The following HERC2 variants were observed in gnomAD, a reference collection of about 807,000 sequenced individuals.
HERC2 encodes E3 ubiquitin-protein ligase HERC2.
In HERC2, 102 loss-of-function variants were observed where a neutral mutation model predicts 537.7. That is an observed-to-expected ratio of 0.19 (90% CI 0.16 to 0.22). HERC2 has a LOEUF of 0.22. HERC2 is among the 10% of genes least tolerant of loss of function. The pLI, the probability that HERC2 is intolerant of heterozygous loss-of-function variation, is 1.00. For synonymous variants in HERC2, 2,224 were observed against 2,466.2 expected, an observed-to-expected ratio of 0.90 and a Z score of 2.91; for missense variants, 4,236 against 6,198.2, an observed-to-expected ratio of 0.68 and a Z score of 10.63.
intron 70 of HERC2, among the ~76,000 whole-genome samples, chr15:28,150,998 T>C (rs28690115): frequency 0.13 from 19,866 of 152,092 alleles, 4,375 homozygotes; most frequent in African/African-American, 0.45. Flanking sequence ...AACTAAGACT[T>C]GAAGACTGAA....
In HERC2 at chr15:28,186,656, C is replaced by T. The variant is rs142140993; in HGVS notation, c.8746G>A (p.Glu2916Lys). ...GLILLGRIRA[E>K]EEDLAAVPFL... ...GGAACTGCAGCCAAATCTTCCTCTTCTGCACGGATCCGTCCCAGCAGGATG... is the reference window on the plus strand; with the variant it reads ...GGAACTGCAGCCAAATCTTCCTCTTTTGCACGGATCCGTCCCAGCAGGATG... The change falls in exon 56 of 93, where the codon GAA (glutamate) becomes AAA (lysine). Residue 2916 changes from glutamate to lysine, a missense_variant. Physicochemically the swap from Glu to Lys is moderately conservative, Grantham distance 56. This residue lies in a region of HERC2 where 606 missense variants were observed against 884.5 expected (regional missense o/e 0.69). Coordinates refer to ENST00000261609, the MANE Select transcript of HERC2 (RefSeq NM_004667.6). The T allele has an allele frequency of 5.0e-6, 8 of 1,614,066 alleles. No homozygotes were observed. The African/African-American group carries it at 1.1e-4, about 22-fold the overall frequency.
rs761693904 is a variant in HERC2, at chr15:28,191,025, T to C, written c.8589A>G (p.Leu2863=). Residue 2863 remains leucine, a synonymous_variant, in exon 55 of 93, where the codon CTA becomes CTG. Coordinates refer to ENST00000261609, the MANE Select transcript of HERC2 (RefSeq NM_004667.6). ...CAGAAGGGTTAATATTGATTGTCTT[T>C]AGTTCAATAAGGTTATTCAGGGAAT... ...GGNSLNNLIE[L]KTININPSDT... The C allele has an allele frequency of 6.2e-7, 1 of 1,612,818 alleles. No individual in the cohort carries two copies. Among genetic ancestry groups the C allele is most frequent in the Non-Finnish European group, 8.5e-7 (1 of 1,178,786 alleles).
chr15:28,149,336 C>T (rs1892137736), intron 70 of HERC2, among the ~76,000 whole-genome samples: 1 of 151,616 alleles, frequency 6.6e-6, no homozygotes, highest in Non-Finnish European at 1.5e-5. Flanking sequence ...CACCAACATA[C>T]ATTCTAGTAA....
intron 56 of HERC2, among the ~76,000 whole-genome samples, chr15:28,185,602 A>C (rs1333205464): frequency 6.6e-6 from 1 of 152,182 alleles, no homozygotes; most frequent in Non-Finnish European, 1.5e-5. Context: ...CAAGTTCTAG[A>C]TACATGCCCT....
At chr15:28,160,882 C>T (rs868641865) in intron 69 of HERC2, among the ~76,000 whole-genome samples, 11 of 152,330 alleles carry the variant, frequency 7.2e-5, no homozygotes, top group South Asian at 4.1e-4. Flanking sequence ...CACCGCCCCC[C>T]GCTCAGCATT....
intron 83 of HERC2, among the ~76,000 whole-genome samples, chr15:28,126,845 G>A (rs930539490): frequency 3.9e-5 from 6 of 152,164 alleles, no homozygotes; most frequent in Non-Finnish European, 5.9e-5. Flanking sequence ...CCACCTGTTC[G>A]CCAAAAACTT....
At chr15:28,130,705 A>G (rs750192343) in intron 81 of HERC2, 111 bp from the exon 82 acceptor site, 52 of 815,292 alleles carry the variant, frequency 6.4e-5, no homozygotes, top group Non-Finnish European at 1.0e-4. Context: ...ACTTGTACCC[A>G]TGATGAATAA....
At chr15:28,311,713 G>C (rs533994436) in intron 2 of HERC2, among the ~76,000 whole-genome samples, 2,523 of 151,962 alleles carry the variant, frequency 0.017, 24 homozygotes, top group Non-Finnish European at 0.025. Flanking sequence ...ATGGACTGTA[G>C]GTGATGTCCT....
At chr15:28,189,045 C>T (rs1896588179) in intron 55 of HERC2, among the ~76,000 whole-genome samples, 5 of 152,072 alleles carry the variant, frequency 3.3e-5, no homozygotes, top group Admixed American at 3.3e-4. Flanking sequence ...CTGAGATCTG[C>T]CACTGCACTC....
intron 68 of HERC2, among the ~76,000 whole-genome samples, chr15:28,163,899 T>C (rs957794561): frequency 1.3e-4 from 20 of 152,158 alleles, no homozygotes; most frequent in African/African-American, 2.4e-5. Flanking sequence ...CCTCTCCTTG[T>C]TTGCTATGAG....
chr15:28,119,129 C>T (rs1294079326), intron 86 of HERC2, among the ~76,000 whole-genome samples: 1 of 151,912 alleles, frequency 6.6e-6, no homozygotes, highest in Admixed American at 6.5e-5. Context: ...AGGCTGGGTG[C>T]GGTGGCTCAT....
In HERC2 at chr15:28,293,038, T is replaced by A; in HGVS notation, c.188-16A>T. 1.3e-6 allele frequency: 2 copies of A among 1,596,628 alleles called. No homozygotes were observed. The highest frequency in any genetic ancestry group is 1.7e-6 in the Non-Finnish European group (2 of 1,175,826). ...ACACTATCATCTGCAGAATTAAAAA[T>A]TTTTTAATCTGTCACCGCTTTTCAG... On this transcript the variant is annotated splice_polypyrimidine_tract_variant and intron_variant, in intron 3 of 92. Coordinates refer to ENST00000261609, the MANE Select transcript of HERC2 (RefSeq NM_004667.6).
chr15:28,175,362 GA>G, intron 64 of HERC2, 149 bp downstream of exon 64: 1 of 793,834 alleles, frequency 1.3e-6, no homozygotes, highest in East Asian at 2.7e-5. Flanking sequence ...TGGGCAAAAG[GA>G]ACAGGACCCG....
intron 52 of HERC2, among the ~76,000 whole-genome samples, chr15:28,194,750 T>C (rs948087841): frequency 1.3e-5 from 2 of 152,150 alleles, no homozygotes; most frequent in African/African-American, 4.8e-5. Context: ...TAGATATGTA[T>C]TTATATAAAA....
intron 3 of HERC2, among the ~76,000 whole-genome samples, chr15:28,298,265 T>A (rs930929624): frequency 9.5e-5 from 14 of 146,634 alleles, no homozygotes; most frequent in South Asian, 2.3e-4. Flanking sequence ...GCAATTCTCC[T>A]GCCGTGCCCT....
At position 28,238,142 on chromosome 15, in the gene HERC2, T is replaced by C; in HGVS notation, c.3824A>G (p.His1275Arg). ...CAAATACTGGCCAACACAAAACGCG[T>C]GCATGGATTCCCGGGTGTCTTCAAA... Reference protein sequence around the residue: ...LQFEDTRESMHAFCVGQYLEP... With the variant: ...LQFEDTRESMRAFCVGQYLEP... Residue 1275 changes from histidine (H) to arginine (R), a missense_variant, in exon 25 of 93, where the codon CAC becomes CGC. Around this residue, in one of 27 missense-constraint regions of HERC2, gnomAD observed 754 missense variants for 1,085.0 expected, o/e 0.69. Coordinates refer to ENST00000261609, the MANE Select transcript of HERC2 (RefSeq NM_004667.6). 2 of 1,608,128 alleles carry C rather than the reference T, an allele frequency of 1.2e-6. No homozygotes were observed. The highest frequency in any genetic ancestry group is 1.7e-6 in the Non-Finnish European group (2 of 1,177,098).
intron 55 of HERC2, among the ~76,000 whole-genome samples, chr15:28,189,164 G>C (rs534319439): frequency 5.3e-5 from 8 of 152,168 alleles, no homozygotes; most frequent in African/African-American, 1.9e-4. Context: ...GGCTCCACAG[G>C]AATGGTACAG....
At chr15:28,191,937 C>T (rs1408447198) in intron 53 of HERC2, 24 bp downstream of exon 53, 4 of 1,599,740 alleles carry the variant, frequency 2.5e-6, no homozygotes, top group Non-Finnish European at 3.4e-6. Context: ...AAAGTGCCCG[C>T]TGCTGTGCCC....
At chr15:28,211,800 C>T (rs1019625844) in intron 43 of HERC2, among the ~76,000 whole-genome samples, 3 of 152,214 alleles carry the variant, frequency 2.0e-5, no homozygotes, top group Non-Finnish European at 4.4e-5. Flanking sequence ...GTGCTTACAT[C>T]ATAAATGCTG....
Sources: gnomAD v4.1 joint callset for allele counts (sites outside exome capture counted in the v4.1 genomes callset) on GRCh38, gnomAD v4.1.1 for gene constraint, gnomAD v4.1.1 regional missense constraint, MANE v1.5 for transcripts, NCBI Gene and HGNC (gene_info 2026-07-23, HGNC 2026-07-21) for gene names.